Variants in PCDH15 observed in about 807,000 individuals in gnomAD.
PCDH15 encodes the protein protocadherin-15.
In PCDH15, 129 loss-of-function variants were observed where a neutral mutation model predicts 178.5. The observed-to-expected ratio is 0.72, with a 90% CI of 0.63 to 0.84. PCDH15 has a LOEUF of 0.84. PCDH15 is among the 40% of genes least tolerant of loss of function. The pLI is 0.00. For missense variants in PCDH15, 2,230 were observed against 2,099.9 expected (o/e 1.06, Z -1.21); for synonymous variants, 800 against 732.0 (o/e 1.09, Z -1.50).
intron 8 of PCDH15, among the ~76,000 whole-genome samples, chr10:54,301,357 C>A (rs186731991): frequency 6.6e-6 from 1 of 152,174 alleles, no homozygotes; most frequent in Non-Finnish European, 1.5e-5. Flanking sequence ...AGTCTTCTAT[C>A]ATTCTGTTGT....
intron 28 of PCDH15, among the ~76,000 whole-genome samples, chr10:53,852,686 G>A (rs1380264069): frequency 6.6e-6 from 1 of 151,610 alleles, no homozygotes; most frequent in African/African-American, 2.4e-5. Context: ...TTCATCAAGT[G>A]TCCTCATTTG....
chr10:55,232,469 G>A (rs1841254439), intron 1 of PCDH15, among the ~76,000 whole-genome samples: 1 of 151,976 alleles, frequency 6.6e-6, no homozygotes, highest in East Asian at 1.9e-4. Context: ...ATCTGTGTTA[G>A]GCAGAATCTA....
chr10:55,129,138 G>T (rs565196049), intron 2 of PCDH15, among the ~76,000 whole-genome samples: 23 of 152,148 alleles, frequency 1.5e-4, no homozygotes, highest in Admixed American at 1.3e-3. Context: ...AAGCATTCTT[G>T]CTCTCTGCTA....
intron 1 of PCDH15, among the ~76,000 whole-genome samples, chr10:54,757,000 A>C (rs1947222042): frequency 3.6e-5 from 1 of 27,430 alleles, no homozygotes. Flanking sequence ...TGGCTTTATG[A>C]AGCAAGCTCC....
chr10:55,296,411 T>C (rs1337064404), intron 1 of PCDH15, among the ~76,000 whole-genome samples: 2 of 152,184 alleles, frequency 1.3e-5, no homozygotes, highest in Non-Finnish European at 2.9e-5. Context: ...AGTCATCTTA[T>C]TAGCATAACC....
intron 32 of PCDH15, chr10:53,823,045 T>TGTATTTTGGGTG (rs750003088): frequency 6.2e-7 from 1 of 1,614,112 alleles, no homozygotes; most frequent in South Asian, 1.1e-5. Flanking sequence ...CTCAGAGACT[T>TGTATTTTGGGTG]ACTCTTGGCT....
intron 3 of PCDH15, among the ~76,000 whole-genome samples, chr10:54,806,719 C>T (rs567491830): frequency 6.6e-6 from 1 of 152,184 alleles, no homozygotes; most frequent in South Asian, 2.1e-4. Context: ...CTCCTCACCT[C>T]GTGATCCACC....
rs184371584 is a variant in PCDH15 at position 54,305,022 on chromosome 10, T to A, written c.876+12249A>T. Among the ~76,000 whole-genome samples the A allele has an allele frequency of 2.1e-3, 319 of 152,192 alleles. 1 individual carries two copies. Among genetic ancestry groups the A allele is most frequent in the African/African-American group, 5.3e-3 (222 of 41,560 alleles). On this transcript the variant is annotated intron_variant, in intron 8 of 37. Transcript: ENST00000644397. ...AAATCTTAATCATAAAGCCCAACACTTATACTATGGCTTCTTAAAAGTGAA... is the reference window on the plus strand; with the variant it reads ...AAATCTTAATCATAAAGCCCAACACATATACTATGGCTTCTTAAAAGTGAA...
intron 2 of PCDH15, among the ~76,000 whole-genome samples, chr10:55,374,601 G>A (rs192437937): frequency 3.3e-5 from 5 of 151,704 alleles, no homozygotes; most frequent in South Asian, 2.1e-4. Flanking sequence ...GCTTTAAATC[G>A]GCATGCATTT....
intron 18 of PCDH15, among the ~76,000 whole-genome samples, chr10:54,042,172 C>A (rs115188264): frequency 3.9e-5 from 6 of 151,960 alleles, no homozygotes; most frequent in African/African-American, 1.2e-4. Context: ...ATTTTTGTAA[C>A]GTCTTGGGTG....
rs544134551 is a variant in PCDH15, at chr10:55,339,864, T to C, written c.-155-173213A>G. Among the ~76,000 whole-genome samples the C allele has an allele frequency of 3.8e-4, 58 of 152,138 alleles. No homozygotes were observed. The South Asian group carries it at 0.011, about 28-fold the overall frequency. ...CAAGTATAATCTAACTTTATTGTTT[T>C]CTTTAGTCCACTTTGACTAAGGAGG... is the stretch of plus-strand genomic sequence containing the variant. On this transcript the variant is annotated intron_variant, in intron 2 of 5. Transcript: ENST00000613346.
intron 1 of PCDH15, among the ~76,000 whole-genome samples, chr10:55,283,006 C>G (rs1024743731): frequency 6.6e-5 from 10 of 152,166 alleles, no homozygotes; most frequent in Non-Finnish European, 1.3e-4. Flanking sequence ...AACAAACACT[C>G]TTCCTGCCTG....
At chr10:54,281,703 T>C (rs562949291) in intron 8 of PCDH15, among the ~76,000 whole-genome samples, 1 of 152,100 alleles carries the variant, frequency 6.6e-6, no homozygotes, top group East Asian at 1.9e-4. Context: ...ATATAACAGG[T>C]GACAAGAGAG....
intron 1 of PCDH15, among the ~76,000 whole-genome samples, chr10:54,787,637 C>T (rs1951014320): frequency 6.6e-6 from 1 of 151,984 alleles, no homozygotes; most frequent in Non-Finnish European, 1.5e-5. Context: ...TTTCACCTTC[C>T]CTTCATGGGG....
rs570719639 is a variant in PCDH15 at position 55,261,416 on chromosome 10, T to A, written c.-156+58183A>T. ...GGCCATTCTTGTACTGTTGTTTGAG[T>A]GATGTTAAAAGGGTAATCTGTCTTG... On this transcript the variant is annotated intron_variant, in intron 1 of 5. Coordinates refer to the PCDH15 transcript ENST00000458638. Among the ~76,000 whole-genome samples the A allele has an allele frequency of 1.1e-4, 17 of 152,280 alleles. No homozygotes were observed. The South Asian group carries it at 3.3e-3, about 30-fold the overall frequency.
At chr10:54,656,926 A>G (rs2094416369) in intron 2 of PCDH15, among the ~76,000 whole-genome samples, 1 of 152,204 alleles carries the variant, frequency 6.6e-6, no homozygotes, top group African/African-American at 2.4e-5. Flanking sequence ...AGCCCTTGTG[A>G]AATTGGTGTA....
intron 1 of PCDH15, among the ~76,000 whole-genome samples, chr10:55,220,274 T>C (rs1840833457): frequency 6.6e-6 from 1 of 152,004 alleles, no homozygotes; most frequent in Non-Finnish European, 1.5e-5. Flanking sequence ...TGTTTCCATA[T>C]TTTCTTCTTA....
intron 1 of PCDH15, among the ~76,000 whole-genome samples, chr10:55,192,147 T>C (rs1332082884): frequency 1.3e-5 from 2 of 151,856 alleles, no homozygotes; most frequent in Admixed American, 1.3e-4. Context: ...CTCCACTTCA[T>C]TAGCTAGTTC....
intron 3 of PCDH15, among the ~76,000 whole-genome samples, chr10:54,487,921 C>T (rs1442691255): frequency 6.6e-6 from 1 of 151,806 alleles, no homozygotes; most frequent in Non-Finnish European, 1.5e-5. Context: ...ATGCAAAATG[C>T]TGATAAGCAT....
Sources: allele counts gnomAD v4.1 joint callset (sites outside exome capture counted in the v4.1 genomes callset), GRCh38; gene constraint gnomAD v4.1.1; transcripts MANE v1.5; gene names NCBI Gene and HGNC (gene_info 2026-07-23, HGNC 2026-07-21).